Variants in MDGA2 observed in about 807,000 individuals in gnomAD.
MDGA2 encodes MAM domain-containing glycosylphosphatidylinositol anchor protein 2.
In MDGA2, 40 loss-of-function variants were observed where a neutral mutation model predicts 117.8. The ratio of observed to expected loss-of-function variants is 0.34; its 90% CI spans 0.26 to 0.44. MDGA2 has a LOEUF of 0.44. Ranked by LOEUF, MDGA2 falls within the 20% of genes least tolerant of loss-of-function variation. The pLI, the probability that MDGA2 is intolerant of heterozygous loss-of-function variation, is 1.00. For missense variants in MDGA2, 1,123 were observed against 1,250.6 expected (o/e 0.90, Z 1.54); for synonymous variants, 452 against 439.0 (o/e 1.03, Z -0.37).
intron 1 of MDGA2, among the ~76,000 whole-genome samples, chr14:47,320,065 T>A (rs538086855): frequency 1.3e-5 from 2 of 152,252 alleles, no homozygotes; most frequent in African/African-American, 4.8e-5. Context: ...GGGGAGAGGT[T>A]TGAAGCAGAT....
chr14:47,317,929 C>G (rs1889857791), intron 1 of MDGA2, among the ~76,000 whole-genome samples: 1 of 152,070 alleles, frequency 6.6e-6, no homozygotes, highest in African/African-American at 2.4e-5. Flanking sequence ...ACGTTCAACA[C>G]CTCTCTTCTC....
intron 1 of MDGA2, among the ~76,000 whole-genome samples, chr14:47,458,026 C>A (rs1022755776): frequency 7.5e-6 from 1 of 132,674 alleles, no homozygotes; most frequent in Non-Finnish European, 1.6e-5. Flanking sequence ...TTTTTTTAAT[C>A]TTGTCATGAT....
At chr14:47,567,318 T>C (rs1895938098) in intron 1 of MDGA2, among the ~76,000 whole-genome samples, 1 of 152,176 alleles carries the variant, frequency 6.6e-6, no homozygotes, top group Non-Finnish European at 1.5e-5. Flanking sequence ...TGTAATGGAA[T>C]AAGATGGTAA....
At chr14:47,617,966 G>C (rs1896978037) in intron 1 of MDGA2, among the ~76,000 whole-genome samples, 1 of 152,184 alleles carries the variant, frequency 6.6e-6, no homozygotes. Flanking sequence ...TAATTAAAAA[G>C]TTTTCAATAT....
intron 1 of MDGA2, among the ~76,000 whole-genome samples, chr14:47,304,370 T>TA (rs1251146179): frequency 2.0e-5 from 3 of 152,196 alleles, no homozygotes; most frequent in Non-Finnish European, 4.4e-5. Flanking sequence ...CTTGATGCTG[T>TA]CTATTTAAAC....
At chr14:46,905,263 T>C (rs1455744740) in intron 10 of MDGA2, among the ~76,000 whole-genome samples, 1 of 152,142 alleles carries the variant, frequency 6.6e-6, no homozygotes, top group Non-Finnish European at 1.5e-5. Context: ...ATGGTGAAAT[T>C]TTAAGGTTAG....
At chr14:47,530,906 C>A (rs7158232) in intron 1 of MDGA2, among the ~76,000 whole-genome samples, 15,702 of 152,108 alleles carry the variant, frequency 0.1, 914 homozygotes, top group Middle Eastern at 0.15. Flanking sequence ...AAATTAAGTT[C>A]ATGTAATCTG....
At position 47,406,203 on chromosome 14, in the gene MDGA2, A is replaced by T. The variant is rs911490587; in HGVS notation, c.281-104653T>A. On this transcript the variant is annotated intron_variant, in intron 1 of 16. Coordinates refer to ENST00000399232, the MANE Select transcript of MDGA2 (RefSeq NM_001113498.3). ...ATTTTGGAAAAAAATTTGGAAATAA[A>T]TTTTAATAAAACTAATAAAATTTTC... Among the ~76,000 whole-genome samples, 4 of 152,266 alleles carry T rather than the reference A, an allele frequency of 2.6e-5. No individual in the cohort carries two copies. In the East Asian group the frequency reaches 7.7e-4, roughly 29 times the overall value.
At chr14:46,993,464 G>GA (rs1381560422) in intron 8 of MDGA2, among the ~76,000 whole-genome samples, 15 of 148,236 alleles carry the variant, frequency 1.0e-4, no homozygotes, top group South Asian at 6.4e-4. Context: ...TTTTTGGGGG[G>GA]GACTTTTTTT....
At chr14:47,378,153 T>C (rs762881909) in intron 1 of MDGA2, among the ~76,000 whole-genome samples, 1 of 152,202 alleles carries the variant, frequency 6.6e-6, no homozygotes, top group Non-Finnish European at 1.5e-5. Flanking sequence ...GGGTCCTGAC[T>C]GTTAGAAGGA....
intron 1 of MDGA2, among the ~76,000 whole-genome samples, chr14:47,593,724 T>C (rs1167360967): frequency 6.6e-6 from 1 of 151,770 alleles, no homozygotes; most frequent in Non-Finnish European, 1.5e-5. Flanking sequence ...TAGGGCCTGT[T>C]GGGGGATGGG....
At chr14:46,949,662 C>A (rs1885299202) in intron 9 of MDGA2, among the ~76,000 whole-genome samples, 1 of 151,952 alleles carries the variant, frequency 6.6e-6, no homozygotes, top group African/African-American at 2.4e-5. Flanking sequence ...CCAGCTCCAT[C>A]CATGTTGCTA....
At chr14:47,646,660 C>T (rs1484928869) in intron 1 of MDGA2, among the ~76,000 whole-genome samples, 1 of 152,202 alleles carries the variant, frequency 6.6e-6, no homozygotes, top group Non-Finnish European at 1.5e-5. Context: ...CTTGCCCAAT[C>T]ATGAGCATAA....
intron 1 of MDGA2, among the ~76,000 whole-genome samples, chr14:47,436,876 T>A (rs1230257516): frequency 1.3e-5 from 2 of 152,126 alleles, no homozygotes; most frequent in African/African-American, 4.8e-5. Context: ...TCACTGCATC[T>A]GTACCTTGCA....
intron 1 of MDGA2, among the ~76,000 whole-genome samples, chr14:47,667,793 C>G (rs1161554644): frequency 6.6e-6 from 1 of 152,058 alleles, no homozygotes; most frequent in Non-Finnish European, 1.5e-5. Flanking sequence ...ATTTTTATTT[C>G]CACCATTCAC....
At chr14:46,920,259 A>G in intron 9 of MDGA2, 99 bp from the exon 10 acceptor site, 6 of 1,122,768 alleles carry the variant, frequency 5.3e-6, no homozygotes, top group Non-Finnish European at 7.4e-6. Flanking sequence ...TATATTTTTC[A>G]TTAGTAATTA....
intron 3 of MDGA2, among the ~76,000 whole-genome samples, chr14:47,155,102 CA>C (rs2030673736): frequency 6.6e-6 from 1 of 152,122 alleles, no homozygotes; most frequent in African/African-American, 2.4e-5. Flanking sequence ...GTACACTCAT[CA>C]TGACAACCTG....
chr14:47,222,891 T>C (rs1323394077), intron 2 of MDGA2, among the ~76,000 whole-genome samples: 1 of 152,192 alleles, frequency 6.6e-6, no homozygotes, highest in Non-Finnish European at 1.5e-5. Context: ...AACCATTTCA[T>C]ACTAAAATCC....
chr14:47,446,610 T>A (rs866441164), intron 1 of MDGA2, among the ~76,000 whole-genome samples: 1 of 152,128 alleles, frequency 6.6e-6, no homozygotes, highest in African/African-American at 2.4e-5. Context: ...AAAAAAATTC[T>A]TGCATGATGA....
Sources: gnomAD v4.1 joint callset for allele counts (sites outside exome capture counted in the v4.1 genomes callset) on GRCh38, gnomAD v4.1.1 for gene constraint, MANE v1.5 for transcripts, NCBI Gene and HGNC (gene_info 2026-07-23, HGNC 2026-07-21) for gene names.